ARHGEF12: variants seen among roughly 807,000 people sequenced by gnomAD.
ARHGEF12 encodes the protein KMT2A/ARHGEF12 fusion protein.
A neutral mutation model predicts 211.2 loss-of-function variants in ARHGEF12; 66 were observed. That is an observed-to-expected ratio of 0.31 (90% CI 0.26 to 0.38). The LOEUF (loss-of-function observed/expected upper bound fraction) is 0.38. Ranked by LOEUF, ARHGEF12 falls within the 10% of genes least tolerant of loss-of-function variation. ARHGEF12 has a pLI of 1.00. For missense variants in ARHGEF12, 1,429 were observed against 1,869.5 expected (o/e 0.76, Z 4.34); for synonymous variants, 592 against 638.4 (o/e 0.93, Z 1.09).
intron 33 of ARHGEF12, 89 bp from the exon 34 acceptor site, chr11:120,476,572 A>G (rs1312078870): frequency 2.5e-6 from 2 of 805,098 alleles, no homozygotes; most frequent in Non-Finnish European, 3.8e-6. Flanking sequence ...TATCTAGTTT[A>G]AGGGGCAGAC....
chr11:120,428,332 T>C, intron 8 of ARHGEF12, 85 bp downstream of exon 8: 1 of 1,142,744 alleles, frequency 8.8e-7, no homozygotes, highest in Non-Finnish European at 1.2e-6. Flanking sequence ...AGTATTCGGC[T>C]GATGAACTAA....
chr11:120,376,555 T>A (rs902812778), intron 1 of ARHGEF12, among the ~76,000 whole-genome samples: 2 of 152,210 alleles, frequency 1.3e-5, no homozygotes, highest in Admixed American at 1.3e-4. Context: ...ATGGATTACA[T>A]GCAATATTTT....
At chr11:120,477,670 A>G in intron 36 of ARHGEF12, 144 bp downstream of exon 36, 1 of 640,272 alleles carries the variant, frequency 1.6e-6, no homozygotes, top group Non-Finnish European at 2.6e-6. Context: ...TTAGAGGCCA[A>G]CCTGACCAAC....
At chr11:120,476,556 A>G in intron 33 of ARHGEF12, 105 bp from the exon 34 acceptor site, 2 of 625,768 alleles carry the variant, frequency 3.2e-6, no homozygotes, top group South Asian at 7.2e-5. Context: ...AAATATATGT[A>G]ACCTTTATCT....
chr11:120,346,514 G>A (rs1942725651), intron 1 of ARHGEF12, among the ~76,000 whole-genome samples: 2 of 152,224 alleles, frequency 1.3e-5, no homozygotes. Context: ...AGAGCTCACT[G>A]TCAGTGGGGT....
chr11:120,448,039 A>C, intron 19 of ARHGEF12, 133 bp downstream of exon 19: 2 of 815,520 alleles, frequency 2.5e-6, no homozygotes, highest in Non-Finnish European at 3.8e-6. Context: ...GGTGGCTTGT[A>C]TGTTATTTGA....
At chr11:120,384,773 G>A (rs1260505781) in intron 1 of ARHGEF12, among the ~76,000 whole-genome samples, 1 of 152,014 alleles carries the variant, frequency 6.6e-6, no homozygotes, top group Non-Finnish European at 1.5e-5. Flanking sequence ...GGCTTATTGG[G>A]GCAGAAAATA....
rs777607056 is a variant in ARHGEF12 at position 120,424,399 on chromosome 11, G to A, written c.390G>A (p.Val130=). 6.2e-6 allele frequency: 10 copies of A among 1,613,232 alleles called. No individual in the cohort carries two copies. Among genetic ancestry groups the A allele is most frequent in the Admixed American group, 1.7e-5 (1 of 59,970 alleles). ...TLVTHSNHLE[V]VKLIKSGSYV... ...TGACTCATTCAAATCATCTGGAGGTGGTGAAGCTAATCAAATGTAGGTGAA... is the reference window on the plus strand; with the variant it reads ...TGACTCATTCAAATCATCTGGAGGTAGTGAAGCTAATCAAATGTAGGTGAA... The change falls in exon 7 of 41, where the codon GTG becomes GTA. Residue 130 remains valine, a synonymous_variant. Coordinates refer to ENST00000397843, the MANE Select transcript of ARHGEF12 (RefSeq NM_015313.3).
intron 1 of ARHGEF12, among the ~76,000 whole-genome samples, chr11:120,341,466 A>G (rs762867887): frequency 6.6e-6 from 1 of 152,218 alleles, no homozygotes; most frequent in Non-Finnish European, 1.5e-5. Flanking sequence ...TGAATTTTAC[A>G]TATGTTTCTG....
chr11:120,413,069 A>C (rs181568159), intron 4 of ARHGEF12, among the ~76,000 whole-genome samples: 2 of 152,206 alleles, frequency 1.3e-5, no homozygotes, highest in African/African-American at 4.8e-5. Flanking sequence ...TAATATTACT[A>C]AAGTAAGAAT....
At chr11:120,449,926 C>T (rs1946155377) in intron 21 of ARHGEF12, 1 of 151,984 alleles carries the variant, frequency 6.6e-6, no homozygotes. Context: ...ATTTCTCCAC[C>T]TCTCCATTGT....
rs143743590 is a variant in ARHGEF12, at chr11:120,352,015, G to A, written c.32+14740G>A. ...CTGGTCACAGTCGTTTGTGGTTATT[G>A]GCTCATCTAGATCAATCAATTGGAT... On this transcript the variant is annotated intron_variant, in intron 1 of 40. Coordinates refer to ENST00000397843, the MANE Select transcript of ARHGEF12 (RefSeq NM_015313.3). 1.8e-3 allele frequency among the ~76,000 whole-genome samples: 269 copies of A among 147,688 alleles called. 1 individual carries two copies. Among genetic ancestry groups the A allele is most frequent in the African/African-American group, 6.3e-3 (258 of 40,690 alleles).
Position 120,452,063 on chromosome 11 carries a change from GA to G in ARHGEF12, c.2056+341del, listed in dbSNP as rs778135475. On this transcript the variant is annotated intron_variant, in intron 22 of 40. Transcript: ENST00000397843. Reference sequence around the variant, plus strand: ...CAAATTGTGCCAAGTCCAATCAAGGGAAGGTAAAGGGAGTATTGAGGGAACT... The same window carrying G: ...CAAATTGTGCCAAGTCCAATCAAGGGAGGTAAAGGGAGTATTGAGGGAACT... Among the ~76,000 whole-genome samples, 7 of 152,226 alleles carry G rather than the reference GA, an allele frequency of 4.6e-5. No homozygotes were observed. The South Asian group carries it at 1.0e-3, about 23-fold the overall frequency.
chr11:120,480,050 C>T lies in ARHGEF12; in HGVS notation c.3857C>T (p.Thr1286Ile), dbSNP rs1947182197. 5.6e-6 allele frequency: 9 copies of T among 1,614,158 alleles called. No homozygotes were observed. Among genetic ancestry groups the T allele is most frequent in the Non-Finnish European group, 6.8e-6 (8 of 1,180,036 alleles). Residue 1286 changes from threonine to isoleucine, a missense_variant, in exon 38 of 41, where the codon ACA (threonine) becomes ATA (isoleucine). This residue lies in a region of ARHGEF12 where 467 missense variants were observed against 468.4 expected (regional missense o/e 1.00). Coordinates refer to ENST00000397843, the MANE Select transcript of ARHGEF12 (RefSeq NM_015313.3). Reference sequence around the variant, plus strand: ...TGGCAACATTTCCCAAGATACAGAACAGCCTCTCAGGGGCCGCAGACAGAC... The same window carrying T: ...TGGCAACATTTCCCAAGATACAGAATAGCCTCTCAGGGGCCGCAGACAGAC... ...EDWQHFPRYR[T>I]ASQGPQTDSV...
chr11:120,349,395 A>AT (rs992553486), intron 1 of ARHGEF12, among the ~76,000 whole-genome samples: 2 of 152,122 alleles, frequency 1.3e-5, no homozygotes, highest in African/African-American at 4.8e-5. Context: ...TTTGTCAGAG[A>AT]TAAAAAGTAG....
intron 1 of ARHGEF12, among the ~76,000 whole-genome samples, chr11:120,395,920 C>T (rs532330202): frequency 6.6e-6 from 1 of 152,250 alleles, no homozygotes. Flanking sequence ...TCCCTGCTCT[C>T]TCTGCTGAGA....
intron 33 of ARHGEF12, 53 bp from the exon 34 acceptor site, chr11:120,476,608 T>C: frequency 7.1e-7 from 1 of 1,406,826 alleles, no homozygotes; most frequent in Admixed American, 1.9e-5. Flanking sequence ...AAAACATCCC[T>C]CATGGCCTCC....
intron 33 of ARHGEF12, 43 bp from the exon 34 acceptor site, chr11:120,476,618 C>A (rs1947039864): frequency 1.3e-6 from 2 of 1,505,520 alleles, no homozygotes; most frequent in Admixed American, 1.8e-5. Context: ...TCATGGCCTC[C>A]CCAGGTCATA....
chr11:120,394,790 G>A (rs1276944706), intron 1 of ARHGEF12, among the ~76,000 whole-genome samples: 1 of 151,776 alleles, frequency 6.6e-6, no homozygotes, highest in African/African-American at 2.4e-5. Flanking sequence ...GGGTGCTGTG[G>A]CTCACGCCTG....
Sources: allele counts gnomAD v4.1 joint callset (sites outside exome capture counted in the v4.1 genomes callset), GRCh38; gene constraint gnomAD v4.1.1; regional missense constraint gnomAD v4.1.1; transcripts MANE v1.5; gene names NCBI Gene and HGNC (gene_info 2026-07-23, HGNC 2026-07-21).